MGAT4C: variants seen among roughly 807,000 people sequenced by gnomAD.
The protein encoded by MGAT4C is alpha-1,3-mannosyl-glycoprotein 4-beta-N-acetylglucosaminyltransferase C.
A neutral mutation model predicts 40.1 loss-of-function variants in MGAT4C; 19 were observed. The ratio of observed to expected loss-of-function variants is 0.47; its 90% CI spans 0.33 to 0.70. The LOEUF (loss-of-function observed/expected upper bound fraction) is 0.70, where lower values mean the gene tolerates loss of function less well. MGAT4C is among the 30% of genes least tolerant of loss of function. The pLI is 0.02. For missense variants in MGAT4C, 491 were observed against 563.2 expected (o/e 0.87, Z 1.30); for synonymous variants, 181 against 187.1 (o/e 0.97, Z 0.27).
intron 3 of MGAT4C, among the ~76,000 whole-genome samples, chr12:85,985,624 T>G (rs2136702286): frequency 6.6e-6 from 1 of 152,244 alleles, no homozygotes; most frequent in East Asian, 1.9e-4. Context: ...AGCCACAAAC[T>G]TTCAAAGTAC....
chr12:86,681,784 A>G (rs989344356), intron 2 of MGAT4C, among the ~76,000 whole-genome samples: 3 of 152,040 alleles, frequency 2.0e-5, no homozygotes, highest in Admixed American at 6.6e-5. Flanking sequence ...TCACAAGGTT[A>G]ACATAAGCTC....
At chr12:86,488,493 C>T (rs1485785273) in intron 2 of MGAT4C, among the ~76,000 whole-genome samples, 1 of 151,744 alleles carries the variant, frequency 6.6e-6, no homozygotes, top group Non-Finnish European at 1.5e-5. Flanking sequence ...AAGGCAGATA[C>T]CTACAATGTC....
intron 1 of MGAT4C, among the ~76,000 whole-genome samples, chr12:86,782,466 C>T (rs1284554406): frequency 6.6e-6 from 1 of 152,020 alleles, no homozygotes; most frequent in Non-Finnish European, 1.5e-5. Flanking sequence ...CAGGAGTGAG[C>T]CACCGCGCCC....
At chr12:86,494,068 C>T (rs1025589009) in intron 2 of MGAT4C, among the ~76,000 whole-genome samples, 6 of 151,930 alleles carry the variant, frequency 3.9e-5, no homozygotes, top group Non-Finnish European at 1.5e-5. Context: ...ATCACCATAA[C>T]AATCAAGATG....
At chr12:86,023,957 T>C (rs1281179422) in intron 2 of MGAT4C, among the ~76,000 whole-genome samples, 1 of 151,874 alleles carries the variant, frequency 6.6e-6, no homozygotes, top group Non-Finnish European at 1.5e-5. Flanking sequence ...CTCCACATAT[T>C]ATCTTGCATC....
intron 4 of MGAT4C, among the ~76,000 whole-genome samples, chr12:86,314,061 TGTTTCC>T (rs1253951339): frequency 6.6e-6 from 1 of 152,208 alleles, no homozygotes; most frequent in Non-Finnish European, 1.5e-5. Flanking sequence ...AATGGATAAG[TGTTTCC>T]TATATTTATT....
intron 1 of MGAT4C, among the ~76,000 whole-genome samples, chr12:86,238,075 C>T (rs1394483726): frequency 6.6e-6 from 1 of 151,756 alleles, no homozygotes. Context: ...TAGTCATTTC[C>T]CTTTACTTTT....
intron 4 of MGAT4C, among the ~76,000 whole-genome samples, chr12:86,266,597 GTTGTTGTGATTGTGTCC>G (rs1248633131): frequency 1.3e-5 from 2 of 151,986 alleles, no homozygotes; most frequent in African/African-American, 4.8e-5. Flanking sequence ...CTGGAGTTTT[GTTGTTGTGATTGTGTCC>G]TTGTCTGGTT....
At chr12:86,485,508 A>G (rs1317267205) in intron 2 of MGAT4C, among the ~76,000 whole-genome samples, 1 of 150,590 alleles carries the variant, frequency 6.6e-6, no homozygotes, top group African/African-American at 2.4e-5. Context: ...TAGTTCTTCA[A>G]GTCAACTCAC....
intron 2 of MGAT4C, among the ~76,000 whole-genome samples, chr12:86,517,101 T>C (rs1265492895): frequency 6.6e-6 from 1 of 152,142 alleles, no homozygotes; most frequent in African/African-American, 2.4e-5. Context: ...GAGTCTAAAA[T>C]GGTACAGCAA....
At chr12:86,758,961 C>G (rs1447016055) in intron 1 of MGAT4C, among the ~76,000 whole-genome samples, 1 of 152,092 alleles carries the variant, frequency 6.6e-6, no homozygotes, top group African/African-American at 2.4e-5. Flanking sequence ...ACTCATCCTA[C>G]TATTCAGTAG....
intron 3 of MGAT4C, among the ~76,000 whole-genome samples, chr12:86,380,901 A>G (rs115190260): frequency 9.3e-4 from 141 of 152,344 alleles, no homozygotes; most frequent in African/African-American, 3.4e-3. Flanking sequence ...TTCTTAAAAG[A>G]CATTTATTTC....
At chr12:86,761,187 A>G (rs1471995599) in intron 1 of MGAT4C, among the ~76,000 whole-genome samples, 1 of 152,190 alleles carries the variant, frequency 6.6e-6, no homozygotes, top group African/African-American at 2.4e-5. Context: ...ACTTAGTAAA[A>G]AAAATGAAAT....
At chr12:86,515,187 C>A (rs1316657667) in intron 2 of MGAT4C, among the ~76,000 whole-genome samples, 2 of 152,134 alleles carry the variant, frequency 1.3e-5, no homozygotes, top group African/African-American at 4.8e-5. Flanking sequence ...TAGCATGATA[C>A]TTAATGATAA....
At chr12:86,080,651 A>T (rs930675044) in intron 1 of MGAT4C, among the ~76,000 whole-genome samples, 1 of 152,154 alleles carries the variant, frequency 6.6e-6, no homozygotes, top group Non-Finnish European at 1.5e-5. Flanking sequence ...GTATCAAGAC[A>T]TTGCAACCAG....
intron 2 of MGAT4C, among the ~76,000 whole-genome samples, chr12:86,661,207 G>A (rs1963972113): frequency 6.6e-6 from 1 of 150,894 alleles, no homozygotes; most frequent in African/African-American, 2.4e-5. Flanking sequence ...AAAAAGAAAG[G>A]AAAAGGAAAA....
At chr12:86,778,750 T>G (rs1951784277) in intron 1 of MGAT4C, among the ~76,000 whole-genome samples, 3 of 152,186 alleles carry the variant, frequency 2.0e-5, no homozygotes, top group Admixed American at 2.0e-4. Flanking sequence ...TAGAATGCAG[T>G]GAATTCTATT....
At chr12:86,574,191 AAAAG>A (rs896172470) in intron 2 of MGAT4C, among the ~76,000 whole-genome samples, 2 of 151,778 alleles carry the variant, frequency 1.3e-5, no homozygotes, top group African/African-American at 4.8e-5. Context: ...TATTGAGAGA[AAAAG>A]AGAGAGTATG....
intron 2 of MGAT4C, among the ~76,000 whole-genome samples, chr12:86,451,187 G>T (rs1053203066): frequency 6.6e-6 from 1 of 152,038 alleles, no homozygotes; most frequent in Non-Finnish European, 1.5e-5. Context: ...TGATAGTGAG[G>T]GGGTTCTTGT....
Sources: gnomAD v4.1 joint callset for allele counts (sites outside exome capture counted in the v4.1 genomes callset) on GRCh38, gnomAD v4.1.1 for gene constraint, MANE v1.5 for transcripts, NCBI Gene and HGNC (gene_info 2026-07-23, HGNC 2026-07-21) for gene names.